Variants in TNFSF4 observed in about 807,000 individuals in gnomAD.
TNFSF4 encodes the protein tumor necrosis factor ligand superfamily member 4.
TNFSF4 carries 4 observed loss-of-function variants against 7.3 expected under a neutral mutation model. That is an observed-to-expected ratio of 0.55 (90% CI 0.27 to 1.25). TNFSF4 has a LOEUF of 1.25. Ranked by LOEUF, TNFSF4 falls within the 50% of genes most tolerant of loss-of-function variation. TNFSF4 has a pLI of 0.12. For missense variants in TNFSF4, 181 were observed against 208.8 expected (o/e 0.87, Z 0.82); for synonymous variants, 76 against 83.7 (o/e 0.91, Z 0.50).
chr1:173,293,538 C>T, the TNFSF4 span, among the ~76,000 whole-genome samples: 1 of 152,008 alleles, frequency 6.6e-6, no homozygotes, highest in African/African-American at 2.4e-5. Flanking sequence ...TAGGAAATAC[C>T]ATTCTGGACA....
chr1:173,225,315 T>C, the TNFSF4 span, among the ~76,000 whole-genome samples: 1 of 152,198 alleles, frequency 6.6e-6, no homozygotes, highest in Non-Finnish European at 1.5e-5. Flanking sequence ...TCACCAATTC[T>C]CAATTTTCAT....
the TNFSF4 span, among the ~76,000 whole-genome samples, chr1:173,258,788 G>A: frequency 6.6e-6 from 1 of 152,154 alleles, no homozygotes; most frequent in African/African-American, 2.4e-5. Context: ...TCACTGGGAA[G>A]GGTTTCCCTG....
chr1:173,347,092 G>A, the TNFSF4 span, among the ~76,000 whole-genome samples: 129 of 152,206 alleles, frequency 8.5e-4, no homozygotes, highest in Non-Finnish European at 1.5e-3. Flanking sequence ...GTGACTGGAA[G>A]TAGGTTAGTA....
chr1:173,293,703 A>G, the TNFSF4 span, among the ~76,000 whole-genome samples: 2 of 152,044 alleles, frequency 1.3e-5, no homozygotes, highest in Non-Finnish European at 1.5e-5. Context: ...GGGAGAAAAT[A>G]TCTGCAAACT....
upstream of TNFSF4, among the ~76,000 whole-genome samples, chr1:173,208,052 G>A (rs1650260133): frequency 1.3e-5 from 2 of 152,136 alleles, no homozygotes; most frequent in Non-Finnish European, 2.9e-5. Context: ...ATGAACAAAT[G>A]AATAGATGTA....
the TNFSF4 span, among the ~76,000 whole-genome samples, chr1:173,342,149 G>A: frequency 6.6e-6 from 1 of 152,110 alleles, no homozygotes; most frequent in African/African-American, 2.4e-5. Flanking sequence ...CCTCCAAGAG[G>A]CTTTGACCAG....
At chr1:173,398,408 T>A in the TNFSF4 span, among the ~76,000 whole-genome samples, 1 of 134,848 alleles carries the variant, frequency 7.4e-6, no homozygotes, top group Non-Finnish European at 1.6e-5. Context: ...ATATTTCTTT[T>A]CTTTTTTTTT....
chr1:173,428,792 G>A, the TNFSF4 span, among the ~76,000 whole-genome samples: 5 of 152,138 alleles, frequency 3.3e-5, no homozygotes, highest in Non-Finnish European at 7.3e-5. Flanking sequence ...ATCACCTGAG[G>A]TCAGGAATTC....
the TNFSF4 span, among the ~76,000 whole-genome samples, chr1:173,229,692 C>T: frequency 4.6e-5 from 7 of 152,080 alleles, no homozygotes; most frequent in Non-Finnish European, 1.5e-5. Flanking sequence ...AGACCCATCT[C>T]ACATGCAGAG....
intron 1 of TNFSF4, among the ~76,000 whole-genome samples, chr1:173,197,894 AG>A (rs1252014105): frequency 1.3e-5 from 2 of 152,242 alleles, no homozygotes; most frequent in Non-Finnish European, 2.9e-5. Flanking sequence ...GTGCAGCTTT[AG>A]TTTTGGATTC....
chr1:173,444,600 AT>A, the TNFSF4 span, among the ~76,000 whole-genome samples: 1 of 152,110 alleles, frequency 6.6e-6, no homozygotes, highest in Admixed American at 6.6e-5. Flanking sequence ...CATTTTTCTA[AT>A]ACATAAAACT....
the TNFSF4 span, among the ~76,000 whole-genome samples, chr1:173,405,915 T>C: frequency 8.4e-3 from 1,275 of 152,368 alleles, 8 homozygotes; most frequent in Non-Finnish European, 0.013. Context: ...CTGTGACTCA[T>C]ACTGCGAAAT....
chr1:173,360,703 G>A, the TNFSF4 span, among the ~76,000 whole-genome samples: 2 of 152,202 alleles, frequency 1.3e-5, no homozygotes, highest in Non-Finnish European at 2.9e-5. Flanking sequence ...AAGCTAAACT[G>A]AGGGGCCCCT....
the TNFSF4 span, among the ~76,000 whole-genome samples, chr1:173,365,533 A>C: frequency 6.6e-6 from 1 of 152,240 alleles, no homozygotes; most frequent in South Asian, 2.1e-4. Flanking sequence ...TTGTAGAGTG[A>C]GTAATCTTAA....
At chr1:173,326,601 T>C in the TNFSF4 span, among the ~76,000 whole-genome samples, 1 of 152,144 alleles carries the variant, frequency 6.6e-6, no homozygotes, top group Non-Finnish European at 1.5e-5. Context: ...ACGACATGAT[T>C]GTATATCTAG....
the TNFSF4 span, among the ~76,000 whole-genome samples, chr1:173,276,829 C>T: frequency 6.6e-6 from 1 of 152,160 alleles, no homozygotes; most frequent in African/African-American, 2.4e-5. Context: ...GAACCAGGCT[C>T]TTCAGCCATC....
the TNFSF4 span, among the ~76,000 whole-genome samples, chr1:173,265,341 T>C: frequency 1.3e-5 from 2 of 152,186 alleles, no homozygotes; most frequent in African/African-American, 2.4e-5. Flanking sequence ...TTGACACTAC[T>C]TGTGACTACC....
At chr1:173,194,484 T>A (rs1649611574) in intron 1 of TNFSF4, among the ~76,000 whole-genome samples, 1 of 152,204 alleles carries the variant, frequency 6.6e-6, no homozygotes, top group Non-Finnish European at 1.5e-5. Flanking sequence ...AGGAAAGACC[T>A]GGACTTAGGC....
chr1:173,187,397 T>G (rs1454643256), intron 2 of TNFSF4, among the ~76,000 whole-genome samples: 3 of 152,234 alleles, frequency 2.0e-5, no homozygotes, highest in African/African-American at 7.2e-5. Flanking sequence ...GAAGCTTGAC[T>G]TAAAGCAATT....
Sources: allele counts gnomAD v4.1 joint callset (sites outside exome capture counted in the v4.1 genomes callset), GRCh38; gene constraint gnomAD v4.1.1; transcripts MANE v1.5; gene names NCBI Gene and HGNC (gene_info 2026-07-23, HGNC 2026-07-21).